The following CELF4 variants were observed in gnomAD, a reference collection of about 807,000 sequenced individuals.
The protein encoded by CELF4 is CUG-BP- and ETR-3-like factor 4.
CELF4 carries 18 observed loss-of-function variants against 59.9 expected under a neutral mutation model. The observed-to-expected ratio is 0.30, with a 90% confidence interval of 0.21 to 0.45. The LOEUF is 0.45. CELF4 is among the 20% of genes least tolerant of loss of function. The probability of loss-of-function intolerance (pLI) is 1.00; values close to 1 mark genes in which losing one functional copy is unlikely to be tolerated. For synonymous variants in CELF4, 261 were observed against 267.1 expected (o/e 0.98, Z 0.22); for missense variants, 456 against 689.0 (o/e 0.66, Z 3.79).
At chr18:37,293,816 T>G (rs1165245242) in intron 3 of CELF4, among the ~76,000 whole-genome samples, 7 of 152,192 alleles carry the variant, frequency 4.6e-5, no homozygotes, top group Non-Finnish European at 8.8e-5. Context: ...TGTCTATGGC[T>G]ATTTCTCCTG....
chr18:37,492,033 C>T (rs1410923634), intron 1 of CELF4, among the ~76,000 whole-genome samples: 1 of 152,206 alleles, frequency 6.6e-6, no homozygotes, highest in African/African-American at 2.4e-5. Flanking sequence ...GTGATGCTCT[C>T]CCTCCTCCCA....
chr18:37,535,906 C>A (rs559699124), intron 1 of CELF4, among the ~76,000 whole-genome samples: 5 of 152,106 alleles, frequency 3.3e-5, no homozygotes, highest in Non-Finnish European at 7.4e-5. Context: ...GTCTCGAGGG[C>A]CTTGTGGCTG....
rs137912800 is a variant in CELF4 at position 37,355,746 on chromosome 18, G to C, written c.370-33865C>G. Reference sequence around the variant, plus strand: ...AAGAGAGAGAGTGCCATGATGAAGAGTGGGTGACCAGGCCAGGCAGTCTCC... The same window carrying C: ...AAGAGAGAGAGTGCCATGATGAAGACTGGGTGACCAGGCCAGGCAGTCTCC... On this transcript the variant is annotated intron_variant, in intron 2 of 12. Coordinates refer to ENST00000420428, the MANE Select transcript of CELF4 (RefSeq NM_020180.4). Among the ~76,000 whole-genome samples, 697 of 152,296 alleles carry C rather than the reference G, an allele frequency of 4.6e-3. 5 individuals carry two copies. The highest frequency in any genetic ancestry group is 0.016 in the African/African-American group (659 of 41,566).
chr18:37,437,792 G>A (rs998539970), intron 2 of CELF4, among the ~76,000 whole-genome samples: 1 of 152,210 alleles, frequency 6.6e-6, no homozygotes, highest in Non-Finnish European at 1.5e-5. Context: ...ATACACATCA[G>A]CACTGGGAGC....
At chr18:37,341,638 T>A (rs921337298) in intron 2 of CELF4, among the ~76,000 whole-genome samples, 5 of 152,152 alleles carry the variant, frequency 3.3e-5, no homozygotes, top group Admixed American at 6.5e-5. Context: ...CTCTGCCCCA[T>A]GACTGTGCTC....
At chr18:37,359,316 G>T (rs972962971) in intron 2 of CELF4, among the ~76,000 whole-genome samples, 2 of 152,160 alleles carry the variant, frequency 1.3e-5, no homozygotes, top group Non-Finnish European at 2.9e-5. Context: ...GGGCCATCTG[G>T]ATTCCAGCAG....
chr18:37,259,737 A>G (rs545259122), intron 10 of CELF4, among the ~76,000 whole-genome samples: 38 of 152,276 alleles, frequency 2.5e-4, no homozygotes, highest in African/African-American at 8.7e-4. Context: ...CTCGCAGGCC[A>G]GTCTCAGACT....
intron 2 of CELF4, among the ~76,000 whole-genome samples, chr18:37,432,891 C>G (rs2099674803): frequency 6.6e-6 from 1 of 152,220 alleles, no homozygotes; most frequent in African/African-American, 2.4e-5. Context: ...CCTTCATCCT[C>G]TTTCTATTTC....
At chr18:37,522,146 C>T (rs2099958184) in intron 1 of CELF4, among the ~76,000 whole-genome samples, 1 of 149,510 alleles carries the variant, frequency 6.7e-6, no homozygotes, top group South Asian at 2.1e-4. Context: ...AGATGCCCAG[C>T]ACACACAGTA....
At chr18:37,339,868 G>T (rs1177887639) in intron 2 of CELF4, among the ~76,000 whole-genome samples, 2 of 152,144 alleles carry the variant, frequency 1.3e-5, no homozygotes, top group African/African-American at 2.4e-5. Flanking sequence ...GGGGGCAAAG[G>T]CAAGGGGAGA....
At chr18:37,285,644 T>A (rs2094667059) in intron 3 of CELF4, among the ~76,000 whole-genome samples, 1 of 152,076 alleles carries the variant, frequency 6.6e-6, no homozygotes, top group South Asian at 2.1e-4. Flanking sequence ...TCAGTACAGG[T>A]GAGGGGTCTG....
intron 2 of CELF4, among the ~76,000 whole-genome samples, chr18:37,385,747 A>C (rs1396368277): frequency 3.3e-5 from 5 of 152,218 alleles, no homozygotes; most frequent in Non-Finnish European, 7.3e-5. Context: ...AGTGGTTTCA[A>C]GTGCGAATCC....
In CELF4 at chr18:37,488,100, C is replaced by G. The variant is rs984449514; in HGVS notation, c.287-2493G>C. On this transcript the variant is annotated intron_variant, in intron 1 of 12. Transcript: ENST00000420428. ...GGTCTTTCCTCTTCCCAGAACGGCACCCCCACCCCACCTCTGCTATCAGCA... is the reference window on the plus strand; with the variant it reads ...GGTCTTTCCTCTTCCCAGAACGGCAGCCCCACCCCACCTCTGCTATCAGCA... Among the ~76,000 whole-genome samples, 27 of 152,240 alleles carry G rather than the reference C, an allele frequency of 1.8e-4. 1 individual carries two copies. Among genetic ancestry groups the G allele is most frequent in the African/African-American group, 6.3e-4 (26 of 41,544 alleles).
At chr18:37,398,827 C>T (rs972027428) in intron 2 of CELF4, among the ~76,000 whole-genome samples, 2 of 152,310 alleles carry the variant, frequency 1.3e-5, no homozygotes, top group Non-Finnish European at 2.9e-5. Flanking sequence ...CCTTCTCCTG[C>T]CAAGTCCTAG....
At chr18:37,431,498 G>A (rs2099664724) in intron 2 of CELF4, among the ~76,000 whole-genome samples, 1 of 150,756 alleles carries the variant, frequency 6.6e-6, no homozygotes, top group Admixed American at 6.7e-5. Flanking sequence ...CTCCTGAGTA[G>A]CTGGGACTAC....
intron 2 of CELF4, among the ~76,000 whole-genome samples, chr18:37,442,379 G>A (rs2099734559): frequency 1.3e-5 from 2 of 152,172 alleles, no homozygotes; most frequent in Admixed American, 1.3e-4. Flanking sequence ...CTAGTCATTT[G>A]AGAATACTTA....
chr18:37,346,031 A>T (rs532118952), intron 2 of CELF4, among the ~76,000 whole-genome samples: 17 of 152,144 alleles, frequency 1.1e-4, no homozygotes, highest in Non-Finnish European at 2.4e-4. Context: ...ATTACTCCAA[A>T]TGGCGCCCTC....
chr18:37,502,071 G>A (rs765994783), intron 1 of CELF4, among the ~76,000 whole-genome samples: 1 of 152,152 alleles, frequency 6.6e-6, no homozygotes, highest in African/African-American at 2.4e-5. Flanking sequence ...CAGGCCCCCC[G>A]TGAACCTCGA....
At chr18:37,250,987 C>T (rs937043297) in intron 12 of CELF4, among the ~76,000 whole-genome samples, 6 of 152,122 alleles carry the variant, frequency 3.9e-5, no homozygotes, top group Non-Finnish European at 8.8e-5. Context: ...TCAGGACATT[C>T]AGGGTACTCT....
Sources: allele counts gnomAD v4.1 joint callset (sites outside exome capture counted in the v4.1 genomes callset), GRCh38; gene constraint gnomAD v4.1.1; transcripts MANE v1.5; gene names NCBI Gene and HGNC (gene_info 2026-07-23, HGNC 2026-07-21).